CD55: variants seen among roughly 807,000 people sequenced by gnomAD.
CD55 encodes complement decay-accelerating factor.
CD55 carries 41 observed loss-of-function variants against 45.8 expected under a neutral mutation model. The ratio of observed to expected loss-of-function variants is 0.90; its 90% CI spans 0.70 to 1.16. The LOEUF (loss-of-function observed/expected upper bound fraction) is 1.16, where lower values mean the gene tolerates loss of function less well. CD55 is among the 50% of genes most tolerant of loss of function. The pLI is 0.00. For missense variants in CD55, 416 were observed against 469.8 expected (o/e 0.89, Z 1.06); for synonymous variants, 181 against 181.1 (o/e 1.00, Z 0.01).
intron 9 of CD55, among the ~76,000 whole-genome samples, chr1:207,344,413 G>A (rs1471678102): frequency 6.6e-6 from 1 of 152,128 alleles, no homozygotes; most frequent in East Asian, 1.9e-4. Flanking sequence ...CCATCTCATG[G>A]TGATGAATTC....
At chr1:207,337,538 T>C in intron 8 of CD55, 129 bp downstream of exon 8, 1 of 573,760 alleles carries the variant, frequency 1.7e-6, no homozygotes, top group Non-Finnish European at 3.1e-6. Context: ...ATACTAATAC[T>C]TTTTACTTTA....
chr1:207,352,410 C>A (rs755776683), intron 9 of CD55, among the ~76,000 whole-genome samples: 1 of 151,976 alleles, frequency 6.6e-6, no homozygotes, highest in Non-Finnish European at 1.5e-5. Flanking sequence ...TTTTAACTTT[C>A]ATCAGGTATC....
intron 9 of CD55, among the ~76,000 whole-genome samples, chr1:207,358,303 T>TA (rs1656154039): frequency 6.6e-6 from 1 of 152,216 alleles, no homozygotes; most frequent in South Asian, 2.1e-4. Flanking sequence ...TAAGACAGGA[T>TA]ATAGTTAATG....
At chr1:207,357,540 G>C (rs1045916456) in intron 9 of CD55, among the ~76,000 whole-genome samples, 1 of 145,810 alleles carries the variant, frequency 6.9e-6, no homozygotes, top group Non-Finnish European at 1.5e-5. Context: ...GAGACTCCCT[G>C]GATCGGTGGG....
chr1:207,332,146 G>T (rs1320499877), intron 6 of CD55, among the ~76,000 whole-genome samples: 1 of 151,984 alleles, frequency 6.6e-6, no homozygotes, highest in South Asian at 2.1e-4. Flanking sequence ...AGTCCTACTC[G>T]GAGAGGTAAC....
At chr1:207,352,215 G>C (rs976042666) in intron 9 of CD55, among the ~76,000 whole-genome samples, 10 of 148,848 alleles carry the variant, frequency 6.7e-5, no homozygotes, top group African/African-American at 2.5e-4. Context: ...TCTTCCGTTG[G>C]CTTTGTATAA....
intron 9 of CD55, 109 bp from the exon 10 acceptor site, chr1:207,359,437 T>C: frequency 8.7e-7 from 1 of 1,144,794 alleles, no homozygotes; most frequent in Non-Finnish European, 1.2e-6. Flanking sequence ...CCAAATTAAC[T>C]GATTCTTTTT....
intron 9 of CD55, among the ~76,000 whole-genome samples, chr1:207,342,687 G>T (rs920783366): frequency 1.3e-5 from 2 of 152,070 alleles, no homozygotes; most frequent in East Asian, 3.8e-4. Flanking sequence ...GTCTGGTTTT[G>T]GTATCAGGGT....
rs1655225906 is a variant in CD55 at position 207,337,326 on chromosome 1, C to T, written c.980-3C>T. 1 of 1,591,806 alleles carries T rather than the reference C, an allele frequency of 6.3e-7. No individual in the cohort carries two copies. ...CAAAGATTCCCTTCTGCTCATATTA[C>T]AGCAACACGGAGTACACCTGTTTCC... On this transcript the variant is annotated splice_polypyrimidine_tract_variant and splice_region_variant and intron_variant, in intron 7 of 9. Coordinates refer to ENST00000367064, the MANE Select transcript of CD55 (RefSeq NM_000574.5).
chr1:207,342,388 A>T (rs1234558177), intron 9 of CD55, among the ~76,000 whole-genome samples: 1 of 152,164 alleles, frequency 6.6e-6, no homozygotes, highest in Non-Finnish European at 1.5e-5. Context: ...CAGTTCTTAG[A>T]AGAAAGGCTT....
At chr1:207,346,763 A>G (rs1248513102) in intron 9 of CD55, among the ~76,000 whole-genome samples, 1 of 152,156 alleles carries the variant, frequency 6.6e-6, no homozygotes, top group Non-Finnish European at 1.5e-5. Context: ...CTCTCAAAAT[A>G]GTCTTGTGCT....
intron 9 of CD55, among the ~76,000 whole-genome samples, chr1:207,341,992 AT>A (rs942520789): frequency 1.7e-4 from 26 of 151,498 alleles, no homozygotes; most frequent in African/African-American, 6.3e-4. Context: ...TATTTTATTT[AT>A]TTTTTTAGTT....
chr1:207,345,175 T>C (rs1655583021), intron 9 of CD55, among the ~76,000 whole-genome samples: 1 of 152,300 alleles, frequency 6.6e-6, no homozygotes, highest in African/African-American at 2.4e-5. Flanking sequence ...ACTCCTAAAA[T>C]TTGAATAGTT....
chr1:207,329,455 T>C (rs992043071), intron 5 of CD55, among the ~76,000 whole-genome samples: 3 of 152,222 alleles, frequency 2.0e-5, no homozygotes, highest in Admixed American at 2.0e-4. Flanking sequence ...ATTTCCTCCT[T>C]AGAGCTTATT....
intron 5 of CD55, among the ~76,000 whole-genome samples, chr1:207,327,391 A>C (rs1654733867): frequency 6.6e-6 from 1 of 152,210 alleles, no homozygotes; most frequent in Non-Finnish European, 1.5e-5. Flanking sequence ...CATTAGAGAG[A>C]TAAGCTTATA....
intron 9 of CD55, among the ~76,000 whole-genome samples, chr1:207,349,643 T>C (rs1655787378): frequency 1.3e-5 from 2 of 152,210 alleles, no homozygotes; most frequent in Admixed American, 1.3e-4. Flanking sequence ...TTTGTGGCTA[T>C]TGTGAATAGG....
Position 207,336,736 on chromosome 1 carries a change from TACCACAGTAAATGTTCCA to T in CD55, c.900_917del (p.Val302_Thr307del), listed in dbSNP as rs749141629. On this transcript the variant is annotated inframe_deletion, in exon 7 of 10. Transcript: ENST00000367064. ...AGGTCCCACCAACAGTTCAGAAACC[TACCACAGTAAATGTTCCA>T]ACTACAGAAGTCTCACCAACTTCTC... 3.1e-6 allele frequency: 5 copies of T among 1,613,742 alleles called. No homozygotes were observed. Among genetic ancestry groups the T allele is most frequent in the Non-Finnish European group, 3.4e-6 (4 of 1,179,816 alleles).
intron 5 of CD55, among the ~76,000 whole-genome samples, chr1:207,330,685 TG>T (rs1369414421): frequency 6.6e-6 from 1 of 152,218 alleles, no homozygotes; most frequent in Non-Finnish European, 1.5e-5. Context: ...CTTTCTCCGC[TG>T]TTCTCTCTCA....
intron 9 of CD55, chr1:207,340,519 C>G (rs1421288809): frequency 1.4e-6 from 1 of 697,484 alleles, no homozygotes; most frequent in East Asian, 2.7e-5. Flanking sequence ...GTGTGTGCCA[C>G]GACACCCGGC....
Sources: gnomAD v4.1 joint callset for allele counts (sites outside exome capture counted in the v4.1 genomes callset) on GRCh38, gnomAD v4.1.1 for gene constraint, MANE v1.5 for transcripts, NCBI Gene and HGNC (gene_info 2026-07-23, HGNC 2026-07-21) for gene names.